Variants in CNTFR observed in about 807,000 individuals in gnomAD.
CNTFR encodes ciliary neurotrophic factor receptor, also known as ciliary neurotrophic factor receptor subunit alpha.
A neutral mutation model predicts 40.4 loss-of-function variants in CNTFR; 12 were observed. That is an observed-to-expected ratio of 0.30 (90% CI 0.19 to 0.48). The LOEUF (loss-of-function observed/expected upper bound fraction) is 0.48, where lower values mean the gene tolerates loss of function less well. Ranked by LOEUF, CNTFR falls within the 20% of genes least tolerant of loss-of-function variation. The pLI is 0.99. For missense variants in CNTFR, 414 were observed against 506.8 expected (o/e 0.82, Z 1.76); for synonymous variants, 202 against 209.6 (o/e 0.96, Z 0.31).
Position 34,557,688 on chromosome 9 carries a change from C to T in CNTFR, c.442G>A (p.Gly148Ser), listed in dbSNP as rs1564059169. Residue 148 changes from glycine to serine, a missense_variant, in exon 6 of 10, where the codon GGC (glycine) becomes AGC (serine). By Grantham distance (56) the Gly-to-Ser change is moderately conservative (BLOSUM62 0). Around this residue, in one of 3 missense-constraint regions of CNTFR, gnomAD observed 250 missense variants for 269.5 expected, o/e 0.93. Coordinates refer to ENST00000378980, the MANE Select transcript of CNTFR (RefSeq NM_147164.3). This position sits in a 1 kb window ranked among gnomAD's most constrained non-coding sequence, Gnocchi z 4.2. ...PNTFNVTVLH[G>S]SKIMVCEKDP... ...TTCTCACAGACCATAATTTTGGAGC[C>T]ATGCCTGGGGAGAGGTGAGACCCAG... is the stretch of plus-strand genomic sequence containing the variant. The T allele has an allele frequency of 6.2e-7, 1 of 1,614,128 alleles. No homozygotes were observed. Among genetic ancestry groups the T allele is most frequent in the Non-Finnish European group, 8.5e-7 (1 of 1,180,008 alleles).
intron 2 of CNTFR, chr9:34,569,452 T>C (rs1318799888): frequency 2.5e-5 from 4 of 159,616 alleles, no homozygotes; most frequent in Non-Finnish European, 4.1e-5. Flanking sequence ...TAATTAGCTA[T>C]AAACATCATA....
At chr9:34,573,212 G>A (rs1287544815) in intron 2 of CNTFR, among the ~76,000 whole-genome samples, 5 of 152,206 alleles carry the variant, frequency 3.3e-5, no homozygotes, top group Non-Finnish European at 7.3e-5. Context: ...GGAAGGAGGT[G>A]TGAGTTTTGG....
intron 2 of CNTFR, among the ~76,000 whole-genome samples, chr9:34,575,818 CT>C (rs1242977855): frequency 2.0e-5 from 3 of 152,178 alleles, no homozygotes; most frequent in Non-Finnish European, 4.4e-5. Context: ...CTTCAAATGT[CT>C]TCTGTGTTCT....
chr9:34,564,030 G>A (rs528084739), intron 4 of CNTFR, among the ~76,000 whole-genome samples: 1 of 152,286 alleles, frequency 6.6e-6, no homozygotes, highest in Non-Finnish European at 1.5e-5. Context: ...CCCAGCCGCT[G>A]AGGCCTACGG....
At chr9:34,561,065 C>A (rs528600830) in intron 4 of CNTFR, among the ~76,000 whole-genome samples, 107 of 152,256 alleles carry the variant, frequency 7.0e-4, no homozygotes, top group Non-Finnish European at 1.2e-3. Context: ...TCCAGCCCTA[C>A]CCACGCCCCA....
Position 34,552,756 on chromosome 9 carries a change from T to C in CNTFR, c.867A>G (p.Thr289=), listed in dbSNP as rs1257016227. The stretch of plus-strand genomic sequence containing the variant: ...GGGCGGCTACGCTCCAGTCACTCCA[T>C]GTCCCAATCTCATTGTCCTTGGCTG... The part of the protein sequence containing the change: ...QVAAKDNEIG[T]WSDWSVAAHA... Residue 289 remains threonine, a synonymous_variant, in exon 8 of 10, where the codon ACA becomes ACG. Transcript: ENST00000378980. This position sits in a 1 kb window ranked among gnomAD's most constrained non-coding sequence, Gnocchi z 5.1. 5 of 1,613,802 alleles carry C rather than the reference T, an allele frequency of 3.1e-6. No homozygotes were observed. The South Asian group carries it at 5.5e-5, about 18-fold the overall frequency.
At chr9:34,571,861 G>A (rs1366099676) in intron 2 of CNTFR, among the ~76,000 whole-genome samples, 1 of 152,064 alleles carries the variant, frequency 6.6e-6, no homozygotes, top group Non-Finnish European at 1.5e-5. Flanking sequence ...ACAAGGAGAG[G>A]CTGAGATAGG....
chr9:34,561,137 C>T (rs1049650768), intron 4 of CNTFR, among the ~76,000 whole-genome samples: 6 of 152,166 alleles, frequency 3.9e-5, no homozygotes, highest in African/African-American at 1.4e-4. Flanking sequence ...TATCTCGTGG[C>T]ATCCCTTGAG....
At position 34,564,486 on chromosome 9, in the gene CNTFR, C is replaced by G. The variant is rs571188869; in HGVS notation, c.319+113G>C. 4.0e-6 allele frequency: 4 copies of G among 1,005,220 alleles called. No individual in the cohort carries two copies. In the Admixed American group the frequency reaches 8.3e-5, roughly 21 times the overall value. 62.3% of individuals were successfully genotyped at this position (1,005,220 alleles called of 1,614,324 possible). A position where few individuals can be genotyped will look rare whatever the true frequency, so the allele number is the denominator to read the frequency against. ...ACAAAATCAGAGGGCAAGGGTCAGG[C>G]TGCAGCTCTCCCCTCTCCATGTCCC... On this transcript the variant is annotated intron_variant, in intron 4 of 9. Coordinates refer to ENST00000378980, the MANE Select transcript of CNTFR (RefSeq NM_147164.3).
intron 1 of CNTFR, chr9:34,582,451 T>C (rs1827353817): frequency 6.6e-6 from 1 of 152,150 alleles, no homozygotes; most frequent in Non-Finnish European, 1.5e-5. Flanking sequence ...GTTGCTTCTA[T>C]GGACTCTAGC....
At chr9:34,565,309 G>A (rs890610738) in intron 3 of CNTFR, among the ~76,000 whole-genome samples, 1 of 151,744 alleles carries the variant, frequency 6.6e-6, no homozygotes, top group African/African-American at 2.4e-5. Flanking sequence ...CTCCTTTTTC[G>A]GTCTCCTTAT....
chr9:34,560,886 G>A (rs531877462), intron 4 of CNTFR, among the ~76,000 whole-genome samples: 1 of 152,310 alleles, frequency 6.6e-6, no homozygotes, highest in East Asian at 1.9e-4. Context: ...GTTTTTCCAT[G>A]TCCAGCCCAC....
intron 3 of CNTFR, among the ~76,000 whole-genome samples, chr9:34,566,443 C>G (rs1826296785): frequency 6.6e-6 from 1 of 152,128 alleles, no homozygotes; most frequent in South Asian, 2.1e-4. Flanking sequence ...TGAGGCTGGA[C>G]CAGACACTAA....
Position 34,551,771 on chromosome 9 carries a change from AGGGCTCCT to A in CNTFR, c.*292_*299del. 1 of 577,322 alleles carries A rather than the reference AGGGCTCCT, an allele frequency of 1.7e-6. No homozygotes were observed. Among genetic ancestry groups the A allele is most frequent in the East Asian group, 2.9e-5 (1 of 34,350 alleles). The allele number at this position is 577,322 out of a possible 1,614,324, so 35.8% of individuals were successfully genotyped here. A position where few individuals can be genotyped will look rare whatever the true frequency, so the allele number is the denominator to read the frequency against. Reference sequence around the variant, plus strand: ...TGAGAGGCTCCCCTCACGTCCCCCAAGGGCTCCTGGGAGTCGCTGGCATTGGAGGGTCC... The same window carrying A: ...TGAGAGGCTCCCCTCACGTCCCCCAAGGGAGTCGCTGGCATTGGAGGGTCC... On this transcript the variant is annotated 3_prime_UTR_variant, in exon 10 of 10. Coordinates refer to ENST00000378980, the MANE Select transcript of CNTFR (RefSeq NM_147164.3).
chr9:34,552,000 G>C lies in CNTFR; in HGVS notation c.*71C>G. On this transcript the variant is annotated 3_prime_UTR_variant, in exon 10 of 10. Transcript: ENST00000378980. ...CTGCCCGTGTGCAAAATAGAAACCG[G>C]GGTCTGCAGGCTCAGCTCCGGCCTC... 1 of 873,498 alleles carries C rather than the reference G, an allele frequency of 1.1e-6. No individual in the cohort carries two copies. Among genetic ancestry groups the C allele is most frequent in the Non-Finnish European group, 1.9e-6 (1 of 525,676 alleles). 54.1% of individuals were successfully genotyped at this position (873,498 alleles called of 1,614,324 possible). A position where few individuals can be genotyped will look rare whatever the true frequency, so the allele number is the denominator to read the frequency against.
intron 2 of CNTFR, among the ~76,000 whole-genome samples, chr9:34,573,597 A>G (rs1826789897): frequency 6.6e-6 from 1 of 152,136 alleles, no homozygotes; most frequent in Admixed American, 6.5e-5. Context: ...CATCCATCTG[A>G]TGAAGGGCAT....
chr9:34,583,889 CCCTCTGACTCTGGGCT>C (rs1364964218), intron 1 of CNTFR, among the ~76,000 whole-genome samples: 1 of 152,216 alleles, frequency 6.6e-6, no homozygotes, highest in Non-Finnish European at 1.5e-5. Context: ...ATGGCATCTT[CCCTCTGACTCTGGGCT>C]CCTCTGCCTT....
intron 7 of CNTFR, among the ~76,000 whole-genome samples, chr9:34,555,195 C>T (rs999785279): frequency 7.9e-5 from 12 of 152,204 alleles, no homozygotes; most frequent in Non-Finnish European, 8.8e-5. Flanking sequence ...GCATTAGGCG[C>T]GGGCAGCTGG....
At chr9:34,579,369 C>T (rs532183001) in intron 2 of CNTFR, among the ~76,000 whole-genome samples, 1 of 150,998 alleles carries the variant, frequency 6.6e-6, no homozygotes, top group East Asian at 2.0e-4. Flanking sequence ...CAGCGTTGGG[C>T]GTTTTAAATA....
Sources: allele counts gnomAD v4.1 joint callset (sites outside exome capture counted in the v4.1 genomes callset), GRCh38; gene constraint gnomAD v4.1.1; regional missense constraint gnomAD v4.1.1; non-coding constraint Gnocchi (gnomAD v3.1); transcripts MANE v1.5; gene names NCBI Gene and HGNC (gene_info 2026-07-23, HGNC 2026-07-21).